Variants in NTRK2 observed in about 807,000 individuals in gnomAD.
NTRK2 encodes BDNF/NT-3 growth factors receptor.
In NTRK2, 13 loss-of-function variants were observed where a neutral mutation model predicts 94.5. The ratio of observed to expected loss-of-function variants is 0.14; its 90% CI spans 0.09 to 0.22. The LOEUF is 0.22. Ranked by LOEUF, NTRK2 falls within the 10% of genes least tolerant of loss-of-function variation. The pLI is 1.00. For synonymous variants in NTRK2, 372 were observed against 407.4 expected (o/e 0.91, Z 1.05); for missense variants, 639 against 1,071.2 (o/e 0.60, Z 5.63).
At chr9:84,816,778 C>CAAAAAAAAAAA (rs61094948) in intron 12 of NTRK2, among the ~76,000 whole-genome samples, 29 of 82,574 alleles carry the variant, frequency 3.5e-4, no homozygotes, top group Non-Finnish European at 4.2e-4. Context: ...GACTCCATCT[C>CAAAAAAAAAAA]AAAAAAAAAA....
chr9:84,927,233 A>G (rs1377962930), intron 14 of NTRK2, among the ~76,000 whole-genome samples: 1 of 152,194 alleles, frequency 6.6e-6, no homozygotes, highest in Non-Finnish European at 1.5e-5. Flanking sequence ...AGGACCCAAG[A>G]ATCTTCATGC....
At chr9:84,680,651 T>C (rs939903681) in intron 2 of NTRK2, among the ~76,000 whole-genome samples, 11 of 152,206 alleles carry the variant, frequency 7.2e-5, no homozygotes, top group African/African-American at 2.7e-4. Context: ...GAAAAGTTTT[T>C]CTTTAGTGTG....
chr9:85,019,326 G>A (rs1832575848), intron 17 of NTRK2, among the ~76,000 whole-genome samples: 1 of 152,088 alleles, frequency 6.6e-6, no homozygotes, highest in Non-Finnish European at 1.5e-5. Context: ...GGGTTACCAG[G>A]ATGAAAAGCA....
At chr9:84,971,559 G>A in intron 17 of NTRK2, among the ~76,000 whole-genome samples, 1 of 152,234 alleles carries the variant, frequency 6.6e-6, no homozygotes, top group Non-Finnish European at 1.5e-5. Context: ...CATGGTAAAG[G>A]AGATGGCAGA....
At chr9:84,991,353 C>G (rs1343895218) in intron 17 of NTRK2, among the ~76,000 whole-genome samples, 2 of 152,140 alleles carry the variant, frequency 1.3e-5, no homozygotes, top group Admixed American at 1.3e-4. Flanking sequence ...CTGGGCACCC[C>G]GTGGATGTGG....
chr9:84,692,142 C>A lies in NTRK2; in HGVS notation c.213-10017C>A, dbSNP rs574902635. Among the ~76,000 whole-genome samples, 7 of 152,206 alleles carry A rather than the reference C, an allele frequency of 4.6e-5. No homozygotes were observed. The East Asian group carries it at 1.4e-3, about 29-fold the overall frequency. On this transcript the variant is annotated intron_variant, in intron 2 of 18. Transcript: ENST00000277120. ...ACCTGTTCAGTTATTGTCTTCCCAT[C>A]GGCTGTCGTGGATTACTGTGACCTA...
chr9:84,915,611 C>T (rs947938042), intron 14 of NTRK2, among the ~76,000 whole-genome samples: 1 of 152,112 alleles, frequency 6.6e-6, no homozygotes. Flanking sequence ...AACCAGAAAA[C>T]CTCTGTTCTT....
intron 17 of NTRK2, among the ~76,000 whole-genome samples, chr9:84,978,253 G>A (rs1827148762): frequency 6.6e-6 from 1 of 152,194 alleles, no homozygotes; most frequent in African/African-American, 2.4e-5. Flanking sequence ...AGGTTGCCAA[G>A]TTGTGAATGC....
At position 84,885,841 on chromosome 9, in the gene NTRK2, G is replaced by A. The variant is rs1225261653; in HGVS notation, c.1633+18410G>A. Among the ~76,000 whole-genome samples the A allele has an allele frequency of 2.0e-5, 3 of 152,080 alleles. No individual in the cohort carries two copies. The East Asian group carries it at 5.8e-4, about 29-fold the overall frequency. Reference sequence around the variant, plus strand: ...GAGGTCAGGAGTTCAAGACCAGCCTGACCAACATGGTGAAACCCCCTCTCT... The same window carrying A: ...GAGGTCAGGAGTTCAAGACCAGCCTAACCAACATGGTGAAACCCCCTCTCT... On this transcript the variant is annotated intron_variant, in intron 14 of 18. Coordinates refer to ENST00000277120, the MANE Select transcript of NTRK2 (RefSeq NM_006180.6).
At chr9:84,742,030 A>C (rs1445021502) in intron 10 of NTRK2, 103 bp downstream of exon 10, 1 of 1,073,470 alleles carries the variant, frequency 9.3e-7, no homozygotes, top group Non-Finnish European at 1.4e-6. Flanking sequence ...TTAAATTTAC[A>C]CTTTAAGCAT....
At chr9:84,919,828 AC>A (rs1482130436) in intron 14 of NTRK2, among the ~76,000 whole-genome samples, 1 of 152,182 alleles carries the variant, frequency 6.6e-6, no homozygotes, top group African/African-American at 2.4e-5. Context: ...TATTAGGATT[AC>A]CATTCTGTTC....
In NTRK2 at chr9:85,021,565, A is replaced by C; in HGVS notation, c.*128A>C. 2 of 909,548 alleles carry C rather than the reference A, an allele frequency of 2.2e-6. No individual in the cohort carries two copies. The highest frequency in any genetic ancestry group is 1.4e-5 in the South Asian group (1 of 73,308). The allele number at this position is 909,548 out of a possible 1,614,324, so 56.3% of individuals were successfully genotyped here. On this transcript the variant is annotated 3_prime_UTR_variant, in exon 19 of 19. Transcript: ENST00000277120. Reference sequence around the variant, plus strand: ...CACTCTGACAGTATTAACATCAAAGACTCCGAGAAGCTCTCGAGGGAAGCA... The same window carrying C: ...CACTCTGACAGTATTAACATCAAAGCCTCCGAGAAGCTCTCGAGGGAAGCA...
At chr9:84,865,673 C>A (rs2075558822) in intron 13 of NTRK2, among the ~76,000 whole-genome samples, 1 of 152,212 alleles carries the variant, frequency 6.6e-6, no homozygotes, top group African/African-American at 2.4e-5. Context: ...TAGGAAGTAG[C>A]AATTCAGACA....
chr9:84,953,390 A>C (rs1823715706), intron 16 of NTRK2, among the ~76,000 whole-genome samples: 1 of 152,270 alleles, frequency 6.6e-6, no homozygotes, highest in South Asian at 2.1e-4. Context: ...CAATGCCCTT[A>C]GCAAGGGGCA....
intron 14 of NTRK2, among the ~76,000 whole-genome samples, chr9:84,925,377 G>A (rs990225801): frequency 1.3e-5 from 2 of 151,930 alleles, no homozygotes; most frequent in Admixed American, 6.5e-5. Flanking sequence ...CCACAGGCTC[G>A]GCCTCCATTC....
At chr9:84,959,635 G>A (rs1476244168) in intron 17 of NTRK2, among the ~76,000 whole-genome samples, 2 of 152,216 alleles carry the variant, frequency 1.3e-5, no homozygotes, top group Non-Finnish European at 2.9e-5. Context: ...CATTTGCATT[G>A]AAACCAGCCC....
chr9:84,727,597 G>T, intron 8 of NTRK2, 57 bp from the exon 9 acceptor site: 1 of 1,538,708 alleles, frequency 6.5e-7, no homozygotes. Context: ...CAGACATCTC[G>T]AGATGGGGAG....
chr9:85,019,621 T>G (rs959598487), intron 17 of NTRK2, among the ~76,000 whole-genome samples: 1 of 152,246 alleles, frequency 6.6e-6, no homozygotes, highest in Non-Finnish European at 1.5e-5. Context: ...AGTCCTGAGC[T>G]TAGAATCCAA....
Position 84,741,355 on chromosome 9 carries a change from G to T in NTRK2, c.1160-537G>T, listed in dbSNP as rs1382227949. The stretch of plus-strand genomic sequence containing the variant: ...CTTTGTTGTGTTAGGGCTTAAAAAA[G>T]GTTTCTTCAGCCCTAGAAACTCCCC... On this transcript the variant is annotated intron_variant, in intron 9 of 18. Transcript: ENST00000277120. Among the ~76,000 whole-genome samples, 3 of 152,096 alleles carry T rather than the reference G, an allele frequency of 2.0e-5. No individual in the cohort carries two copies. The East Asian group carries it at 5.8e-4, about 29-fold the overall frequency.
Sources: allele counts gnomAD v4.1 joint callset (sites outside exome capture counted in the v4.1 genomes callset), GRCh38; gene constraint gnomAD v4.1.1; transcripts MANE v1.5; gene names NCBI Gene and HGNC (gene_info 2026-07-23, HGNC 2026-07-21).